Variants in ITGA9 observed in about 807,000 individuals in gnomAD.
The protein encoded by ITGA9 is integrin subunit alpha 9, also known as integrin alpha-9.
In ITGA9, 56 loss-of-function variants were observed where a neutral mutation model predicts 127.8. That is an observed-to-expected ratio of 0.44 (90% confidence interval 0.35 to 0.55). ITGA9 has a LOEUF of 0.55. ITGA9 is among the 20% of genes least tolerant of loss of function. The pLI, the probability that ITGA9 is intolerant of heterozygous loss-of-function variation, is 0.00. For synonymous variants in ITGA9, 508 were observed against 514.5 expected (o/e 0.99, Z 0.17); for missense variants, 1,196 against 1,347.1 (o/e 0.89, Z 1.76).
At chr3:37,519,408 T>G in intron 11 of ITGA9, 54 bp downstream of exon 11, 1 of 1,399,458 alleles carries the variant, frequency 7.1e-7, no homozygotes, top group African/African-American at 1.4e-5. Context: ...TCAGCAAACA[T>G]GTATGGAACC....
chr3:37,787,539 G>A (rs1697056089), intron 26 of ITGA9, among the ~76,000 whole-genome samples: 1 of 152,000 alleles, frequency 6.6e-6, no homozygotes, highest in African/African-American at 2.4e-5. Context: ...ATTCCACAAT[G>A]CCCCTTCTCC....
In ITGA9 at chr3:37,470,952, G is replaced by A. The variant is rs894604418; in HGVS notation, c.186-55G>A. On this transcript the variant is annotated intron_variant, in intron 1 of 27. Transcript: ENST00000264741. ...TGGTTGGGTGAATACTTAGCCATCTGCCTCCTATTTTCTTATCGTAGGTTG... is the reference window on the plus strand; with the variant it reads ...TGGTTGGGTGAATACTTAGCCATCTACCTCCTATTTTCTTATCGTAGGTTG... 1.5e-5 allele frequency: 24 copies of A among 1,605,124 alleles called. No homozygotes were observed. The African/African-American group carries it at 2.5e-4, about 17-fold the overall frequency.
At chr3:37,476,133 G>A (rs1310647936) in intron 3 of ITGA9, among the ~76,000 whole-genome samples, 2 of 152,194 alleles carry the variant, frequency 1.3e-5, no homozygotes, top group African/African-American at 4.8e-5. Flanking sequence ...TGGCTGCCGT[G>A]ATGAATGCTG....
chr3:37,700,140 G>A (rs780556769), intron 18 of ITGA9, among the ~76,000 whole-genome samples: 1 of 151,958 alleles, frequency 6.6e-6, no homozygotes, highest in Non-Finnish European at 1.5e-5. Context: ...ATGCTACCAT[G>A]CTCAGCTAAT....
At chr3:37,698,392 T>C (rs1040821863) in intron 18 of ITGA9, among the ~76,000 whole-genome samples, 28 of 152,246 alleles carry the variant, frequency 1.8e-4, no homozygotes, top group Admixed American at 3.9e-4. Context: ...TTTGGTGTTT[T>C]AGACATGAAG....
At chr3:37,490,360 G>A (rs1299704075) in intron 4 of ITGA9, among the ~76,000 whole-genome samples, 1 of 152,178 alleles carries the variant, frequency 6.6e-6, no homozygotes, top group Non-Finnish European at 1.5e-5. Flanking sequence ...GAGAAACTTG[G>A]AATTCGCTAT....
At chr3:37,755,440 A>G (rs1051855957) in intron 23 of ITGA9, among the ~76,000 whole-genome samples, 6 of 152,186 alleles carry the variant, frequency 3.9e-5, no homozygotes, top group African/African-American at 1.4e-4. Context: ...ACCGCAATCA[A>G]AAGAACTAAT....
At position 37,601,122 on chromosome 3, in the gene ITGA9, A is replaced by G. The variant is rs995293023; in HGVS notation, c.1690-28065A>G. On this transcript the variant is annotated intron_variant, in intron 15 of 27. Transcript: ENST00000264741. ...CCAGTCCTTTAAAGACCCACCAGCGACTTTGTGAGATTCTAGACTCCTTTC... is the reference window on the plus strand; with the variant it reads ...CCAGTCCTTTAAAGACCCACCAGCGGCTTTGTGAGATTCTAGACTCCTTTC... Among the ~76,000 whole-genome samples the G allele has an allele frequency of 5.3e-5, 8 of 152,226 alleles. No homozygotes were observed. In the East Asian group the frequency reaches 1.5e-3, roughly 29 times the overall value.
At chr3:37,572,091 C>G (rs922648459) in intron 15 of ITGA9, among the ~76,000 whole-genome samples, 2 of 152,024 alleles carry the variant, frequency 1.3e-5, no homozygotes, top group African/African-American at 4.8e-5. Flanking sequence ...CATTATCATT[C>G]AGCTGCCACC....
intron 18 of ITGA9, among the ~76,000 whole-genome samples, chr3:37,716,256 G>A (rs771722103): frequency 6.6e-6 from 1 of 152,138 alleles, no homozygotes; most frequent in African/African-American, 2.4e-5. Context: ...GTTGTGCATG[G>A]TAGAGACCCC....
At chr3:37,796,074 G>T (rs1697169867) in intron 26 of ITGA9, among the ~76,000 whole-genome samples, 1 of 152,068 alleles carries the variant, frequency 6.6e-6, no homozygotes, top group African/African-American at 2.4e-5. Context: ...TGTTCATCCT[G>T]TTGGCTCCAG....
intron 3 of ITGA9, among the ~76,000 whole-genome samples, chr3:37,476,455 A>G (rs1050565280): frequency 6.6e-6 from 1 of 151,906 alleles, no homozygotes; most frequent in Non-Finnish European, 1.5e-5. Context: ...AACATTGAGC[A>G]TTGTTTCATC....
intron 5 of ITGA9, 122 bp from the exon 6 acceptor site, chr3:37,503,056 T>C: frequency 9.5e-7 from 1 of 1,057,770 alleles, no homozygotes. Context: ...GTTGCTTAGC[T>C]GGGGAAAAAA....
intron 19 of ITGA9, 146 bp from the exon 20 acceptor site, chr3:37,736,752 GTGACTT>G (rs1482909602): frequency 1.0e-5 from 7 of 697,602 alleles, no homozygotes; most frequent in African/African-American, 1.8e-5. Flanking sequence ...TGTTAAAGCT[GTGACTT>G]TGGCCTGACA....
intron 18 of ITGA9, among the ~76,000 whole-genome samples, chr3:37,728,143 T>C (rs982708012): frequency 6.6e-6 from 1 of 152,174 alleles, no homozygotes; most frequent in Admixed American, 6.5e-5. Context: ...AATGTTAAGT[T>C]CTCTAAGTTA....
At chr3:37,546,589 A>G (rs1174097382) in intron 15 of ITGA9, among the ~76,000 whole-genome samples, 1 of 152,180 alleles carries the variant, frequency 6.6e-6, no homozygotes, top group Admixed American at 6.5e-5. Flanking sequence ...GGCCCTGGGG[A>G]TGCCACTGTC....
At chr3:37,516,216 T>A (rs1698982562) in intron 9 of ITGA9, among the ~76,000 whole-genome samples, 1 of 152,170 alleles carries the variant, frequency 6.6e-6, no homozygotes, top group Non-Finnish European at 1.5e-5. Flanking sequence ...TGTTTCTTGA[T>A]GTTGTATGGT....
rs139171355 is a variant in ITGA9 at position 37,654,646 on chromosome 3, G to A, written c.1916+856G>A. Among the ~76,000 whole-genome samples, 49 of 152,206 alleles carry A rather than the reference G, an allele frequency of 3.2e-4. 1 individual carries two copies. The East Asian group carries it at 9.1e-3, about 28-fold the overall frequency. ...CTTAAAACTATGAGAGTTAAGTTTGGATGAAATGACATGAATATACTATTA... is the reference window on the plus strand; with the variant it reads ...CTTAAAACTATGAGAGTTAAGTTTGAATGAAATGACATGAATATACTATTA... On this transcript the variant is annotated intron_variant, in intron 17 of 27. Transcript: ENST00000264741.
chr3:37,770,131 G>A (rs1559593371), intron 23 of ITGA9, among the ~76,000 whole-genome samples: 2 of 152,134 alleles, frequency 1.3e-5, no homozygotes, highest in African/African-American at 4.8e-5. Context: ...GTTCTAGCTG[G>A]TTGAACCTCA....
Sources: allele counts gnomAD v4.1 joint callset (sites outside exome capture counted in the v4.1 genomes callset), GRCh38; gene constraint gnomAD v4.1.1; transcripts MANE v1.5; gene names NCBI Gene and HGNC (gene_info 2026-07-23, HGNC 2026-07-21).